The following ADRM1 variants were observed in gnomAD, a reference collection of about 807,000 sequenced individuals.
The protein encoded by ADRM1 is ADRM1 26S proteasome ubiquitin receptor, also known as proteasomal ubiquitin receptor ADRM1.
A neutral mutation model predicts 40.1 loss-of-function variants in ADRM1; 2 were observed. The ratio of observed to expected loss-of-function variants is 0.05; its 90% CI spans 0.02 to 0.16. The LOEUF is 0.16. Ranked by LOEUF, ADRM1 falls within the 10% of genes least tolerant of loss-of-function variation. The pLI is 1.00. For missense variants in ADRM1, 467 were observed against 552.5 expected, an observed-to-expected ratio of 0.85 and a Z score of 1.55; for synonymous variants, 287 against 240.4, an observed-to-expected ratio of 1.19 and a Z score of -1.79.
Position 62,304,441 on chromosome 20 carries a change from C to T in ADRM1, c.214-20C>T. 2 of 1,603,900 alleles carry T rather than the reference C, an allele frequency of 1.2e-6. No homozygotes were observed. The highest frequency in any genetic ancestry group is 1.1e-5 in the South Asian group (1 of 90,756). On this transcript the variant is annotated intron_variant, in intron 2 of 9. Transcript: ENST00000253003. ...TGATGCCATCTGCGCCACTGACTCT[C>T]TCTTCCCCTGGCTTGCCAGGACTTG...
intron 3 of ADRM1, 68 bp downstream of exon 3, chr20:62,304,645 T>C: frequency 1.3e-6 from 2 of 1,486,452 alleles, no homozygotes; most frequent in Non-Finnish European, 1.9e-6. Context: ...TTGCTTACAG[T>C]GTGGTGCAAT....
rs1424400920 is a variant in ADRM1, at chr20:62,307,715, C to G, written c.743C>G (p.Ser248Cys). 1.9e-6 allele frequency: 3 copies of G among 1,612,202 alleles called. No homozygotes were observed. Among genetic ancestry groups the G allele is most frequent in the Admixed American group, 1.7e-5 (1 of 59,990 alleles). The change falls in exon 7 of 10, where the codon TCC (serine) becomes TGC (cysteine). Residue 248 changes from serine (S) to cysteine (C), a missense_variant. Physicochemically the swap from Ser to Cys is moderately radical, Grantham distance 112. Around this residue, in one of 3 missense-constraint regions of ADRM1, gnomAD observed 418 missense variants for 474.6 expected, o/e 0.88. Transcript: ENST00000253003. ...SATSPSPAPSSGNGASTAASP... is the reference protein window; with the variant it reads ...SATSPSPAPSCGNGASTAASP... ...ACTAGCCCGAGCCCCGCGCCCAGTT[C>G]CGGGAATGGAGCCAGCACAGCAGCC...
rs567059865 is a variant in ADRM1, at chr20:62,307,309, G to T, written c.542-62G>T. The T allele has an allele frequency of 1.0e-4, 149 of 1,490,212 alleles. No individual in the cohort carries two copies. The Admixed American group carries it at 3.3e-3, about 33-fold the overall frequency. The allele number at this position is 1,490,212 out of a possible 1,614,324, so 92.3% of individuals were successfully genotyped here. Reference sequence around the variant, plus strand: ...TTCCTGCTCCTCTGGCCTGGGGAGGGGCCAGGCTCTTTCTGGTGGGCTAGA... The same window carrying T: ...TTCCTGCTCCTCTGGCCTGGGGAGGTGCCAGGCTCTTTCTGGTGGGCTAGA... On this transcript the variant is annotated intron_variant, in intron 5 of 9. Transcript: ENST00000253003.
Position 62,308,111 on chromosome 20 carries a change from C to T in ADRM1, c.947C>T (p.Ser316Phe). 6.2e-7 allele frequency: 1 copy of T among 1,611,216 alleles called. No individual in the cohort carries two copies. Among genetic ancestry groups the T allele is most frequent in the Non-Finnish European group, 8.5e-7 (1 of 1,179,874 alleles). ...GAGCGCCTGCTTCCCTACTTGCCAT[C>T]TGGGGAGTCGCTGCCGCAGACCGCG... ...VQERLLPYLP[S>F]GESLPQTADE... The change falls in exon 8 of 10, where the codon TCT becomes TTT. Residue 316 changes from serine to phenylalanine, a missense_variant. Ser to Phe is a radical substitution (Grantham distance 155). Coordinates refer to ENST00000253003, the MANE Select transcript of ADRM1 (RefSeq NM_007002.4).
In ADRM1 at chr20:62,306,360, G is replaced by C. The variant is rs1273141946; in HGVS notation, c.454+40G>C. On this transcript the variant is annotated intron_variant, in intron 4 of 9. Transcript: ENST00000253003. ...TGTCACGTGAGCTCAGGGTTTCCTG[G>C]GAGGCCAGAGTCTACTGTGGATGAC... 8 of 1,611,904 alleles carry C rather than the reference G, an allele frequency of 5.0e-6. No individual in the cohort carries two copies. In the Admixed American group the frequency reaches 5.0e-5, roughly 10 times the overall value.
intron 5 of ADRM1, 30 bp downstream of exon 5, chr20:62,306,764 G>T: frequency 1.3e-6 from 2 of 1,565,696 alleles, no homozygotes; most frequent in Non-Finnish European, 1.7e-6. Flanking sequence ...CTCTCGGGCA[G>T]CTTCTGCTGG....
At chr20:62,303,809 G>T in intron 2 of ADRM1, 28 bp downstream of exon 2, 1 of 1,599,116 alleles carries the variant, frequency 6.3e-7, no homozygotes. Context: ...GCAGCAGCAG[G>T]ACAGGCGACT....
intron 3 of ADRM1, chr20:62,305,918 C>A (rs529444742): frequency 1.2e-5 from 5 of 408,152 alleles, no homozygotes; most frequent in African/African-American, 8.0e-5. Context: ...TAAGTGCCTT[C>A]GGAGCTCTAG....
intron 9 of ADRM1, 60 bp from the exon 10 acceptor site, chr20:62,308,595 C>T: frequency 6.3e-7 from 1 of 1,598,128 alleles, no homozygotes; most frequent in East Asian, 2.2e-5. Flanking sequence ...GATCCCATCG[C>T]TTTGATCCCC....
At chr20:62,306,131 G>T in intron 3 of ADRM1, 66 bp from the exon 4 acceptor site, 1 of 1,568,064 alleles carries the variant, frequency 6.4e-7, no homozygotes, top group Non-Finnish European at 8.7e-7. Context: ...CAGGTCAGAG[G>T]ATGGCTGTGG....
rs759317814 is a variant in ADRM1, at chr20:62,307,405, C to T, written c.576C>T (p.Ala192=). The T allele has an allele frequency of 3.7e-6, 6 of 1,604,906 alleles. No homozygotes were observed. The highest frequency in any genetic ancestry group is 1.7e-5 in the Admixed American group (1 of 57,430). Residue 192 remains alanine (A), a synonymous_variant, in exon 6 of 10, where the codon GCC becomes GCT. Coordinates refer to ENST00000253003, the MANE Select transcript of ADRM1 (RefSeq NM_007002.4). ...GGGCCCTGACTGGACCTGGCCTGGCCAGCTTACTGGGGAGCAGTGGGCCTC... is the reference window on the plus strand; with the variant it reads ...GGGCCCTGACTGGACCTGGCCTGGCTAGCTTACTGGGGAGCAGTGGGCCTC... ...GLGALTGPGL[A]SLLGSSGPPG...
At chr20:62,307,015 C>G (rs1369833354) in intron 5 of ADRM1, among the ~76,000 whole-genome samples, 1 of 152,136 alleles carries the variant, frequency 6.6e-6, no homozygotes, top group Non-Finnish European at 1.5e-5. Context: ...GGGGTTCCTG[C>G]GCCCTGGGTC....
At position 62,308,844 on chromosome 20, in the gene ADRM1, C is replaced by A; in HGVS notation, c.*83C>A. 4.6e-6 allele frequency: 7 copies of A among 1,536,934 alleles called. No individual in the cohort carries two copies. Among genetic ancestry groups the A allele is most frequent in the African/African-American group, 1.4e-5 (1 of 72,254 alleles). On this transcript the variant is annotated 3_prime_UTR_variant, in exon 10 of 10. Coordinates refer to ENST00000253003, the MANE Select transcript of ADRM1 (RefSeq NM_007002.4). ...CCCACCCACTGATTATTAATAAAGTCTTTTCTTTTACCTGCCAATGCTTAG... is the reference window on the plus strand; with the variant it reads ...CCCACCCACTGATTATTAATAAAGTATTTTCTTTTACCTGCCAATGCTTAG...
chr20:62,307,758 C>A lies in ADRM1; in HGVS notation c.786C>A (p.Ile262=). 1 of 1,611,972 alleles carries A rather than the reference C, an allele frequency of 6.2e-7. No individual in the cohort carries two copies. The highest frequency in any genetic ancestry group is 2.2e-5 in the East Asian group (1 of 44,864). The change falls in exon 7 of 10, where the codon ATC becomes ATA. Residue 262 remains isoleucine, a synonymous_variant. Coordinates refer to ENST00000253003, the MANE Select transcript of ADRM1 (RefSeq NM_007002.4). The part of the protein sequence containing the change: ...ASTAASPTQP[I]QLSDLQSILA... Reference sequence around the variant, plus strand: ...CAGCAGCCAGCCCGACCCAGCCCATCCAGCTGAGCGACCTCCAGAGCATCC... The same window carrying A: ...CAGCAGCCAGCCCGACCCAGCCCATACAGCTGAGCGACCTCCAGAGCATCC...
At position 62,303,695 on chromosome 20, in the gene ADRM1, C is replaced by T; in HGVS notation, c.127C>T (p.Arg43Trp). The T allele has an allele frequency of 6.2e-7, 1 of 1,612,496 alleles. No homozygotes were observed. The highest frequency in any genetic ancestry group is 8.5e-7 in the Non-Finnish European group (1 of 1,179,988). The change falls in exon 2 of 10, where the codon CGG becomes TGG. Residue 43 changes from arginine (R) to tryptophan (W), a missense_variant. Physicochemically the swap from Arg to Trp is moderately radical, Grantham distance 101. Coordinates refer to ENST00000253003, the MANE Select transcript of ADRM1 (RefSeq NM_007002.4). ...GGGGACCACCGTGACTCCGGATAAG[C>T]GGAAAGGGCTGGTGTACATTCAGCA... ...LKGTTVTPDKRKGLVYIQQTD... is the reference protein window; with the variant it reads ...LKGTTVTPDKWKGLVYIQQTD...
intron 3 of ADRM1, among the ~76,000 whole-genome samples, chr20:62,305,223 G>A (rs1984727244): frequency 6.6e-6 from 1 of 152,194 alleles, no homozygotes; most frequent in Admixed American, 6.5e-5. Context: ...GCGGGCCTGT[G>A]GTCAGGAAGC....
In ADRM1 at chr20:62,306,049, C is replaced by T. The variant is rs138273531; in HGVS notation, c.331-148C>T. 1,120 of 1,073,264 alleles carry T rather than the reference C, an allele frequency of 1.0e-3. 4 individuals carry two copies. Among genetic ancestry groups the T allele is most frequent in the Non-Finnish European group, 1.4e-3 (1,052 of 763,518 alleles). The allele number at this position is 1,073,264 out of a possible 1,614,324, so 66.5% of individuals were successfully genotyped here. A position where few individuals can be genotyped will look rare whatever the true frequency, so the allele number is the denominator to read the frequency against. On this transcript the variant is annotated intron_variant, in intron 3 of 9. Coordinates refer to ENST00000253003, the MANE Select transcript of ADRM1 (RefSeq NM_007002.4). ...ACTGCCGTCCCCTCACCTGCTGGGCCGGGTCCTGTCTCCTCAGCATTGTGT... is the reference window on the plus strand; with the variant it reads ...ACTGCCGTCCCCTCACCTGCTGGGCTGGGTCCTGTCTCCTCAGCATTGTGT...
chr20:62,303,637 G>A lies in ADRM1; in HGVS notation c.69G>A (p.Leu23=), dbSNP rs1306284727. ...PGSRGASNKY[L]VEFRAGKMSL... is the part of the protein sequence containing the mutation. ...CTCGGGGCGCCTCCAACAAGTACTT[G>A]GTGGAGTTTCGGGCGGGAAAGATGT... Residue 23 remains leucine, a synonymous_variant, in exon 2 of 10, where the codon TTG becomes TTA. Transcript: ENST00000253003. 6.2e-7 allele frequency: 1 copy of A among 1,611,642 alleles called. No homozygotes were observed. The highest frequency in any genetic ancestry group is 2.2e-5 in the East Asian group (1 of 44,866).
At position 62,304,542 on chromosome 20, in the gene ADRM1, A is replaced by C. The variant is rs543759050; in HGVS notation, c.295A>C (p.Lys99Gln). Residue 99 changes from lysine (K) to glutamine (Q), a missense_variant, in exon 3 of 10, where the codon AAG (lysine) becomes CAG (glutamine). Around this residue, in one of 3 missense-constraint regions of ADRM1, gnomAD observed 418 missense variants for 474.6 expected, o/e 0.88. Transcript: ENST00000253003. ...CGGGAGGGTCTACGTGCTGAAGTTC[A>C]AGGCAGGGTCCAAGCGGCTTTTCTT... ...PSGRVYVLKF[K>Q]AGSKRLFFWM... The C allele has an allele frequency of 1.2e-6, 2 of 1,614,008 alleles. No homozygotes were observed. The highest frequency in any genetic ancestry group is 3.3e-5 in the Admixed American group (2 of 60,022).
Sources: gnomAD v4.1 joint callset for allele counts (sites outside exome capture counted in the v4.1 genomes callset) on GRCh38, gnomAD v4.1.1 for gene constraint, gnomAD v4.1.1 regional missense constraint, MANE v1.5 for transcripts, NCBI Gene and HGNC (gene_info 2026-07-23, HGNC 2026-07-21) for gene names.